PDE4DIP: variants seen among roughly 807,000 people sequenced by gnomAD.
PDE4DIP encodes the protein myomegalin.
PDE4DIP carries 59 observed loss-of-function variants against 221.4 expected under a neutral mutation model. The ratio of observed to expected loss-of-function variants is 0.27; its 90% CI spans 0.22 to 0.33. The LOEUF (loss-of-function observed/expected upper bound fraction) is 0.33, where lower values mean the gene tolerates loss of function less well. PDE4DIP is among the 10% of genes least tolerant of loss of function. The pLI is 1.00. For missense variants in PDE4DIP, 1,036 were observed against 2,154.2 expected, an observed-to-expected ratio of 0.48 and a Z score of 10.28; for synonymous variants, 404 against 815.9, an observed-to-expected ratio of 0.50 and a Z score of 8.60.
At chr1:148,907,133 C>T (rs1573108689) in intron 1 of PDE4DIP, among the ~76,000 whole-genome samples, 2 of 133,984 alleles carry the variant, frequency 1.5e-5, no homozygotes, top group African/African-American at 5.7e-5. Flanking sequence ...ATGTCTTTTT[C>T]CACCCCTTTA....
intron 1 of PDE4DIP, among the ~76,000 whole-genome samples, chr1:148,862,269 T>A (rs1553401885): frequency 6.6e-6 from 1 of 151,152 alleles, no homozygotes; most frequent in African/African-American, 2.4e-5. Flanking sequence ...GTGCAGGGAT[T>A]TTTGTCTGTT....
chr1:149,001,843 G>C, exon 24 of PDE4DIP: 1 of 1,609,426 alleles, frequency 6.2e-7, no homozygotes, highest in Non-Finnish European at 8.5e-7. Context: ...GCAAGGAAGG[G>C]AATAGTAAAC....
chr1:148,971,438 A>C (rs587626242), intron 14 of PDE4DIP, among the ~76,000 whole-genome samples: 1 of 149,416 alleles, frequency 6.7e-6, no homozygotes, highest in East Asian at 1.9e-4. Context: ...GTTTTAAAAA[A>C]AATTTTTTCC....
At chr1:149,032,992 A>G (rs113363913) in exon 44 of PDE4DIP, 13 of 181,250 alleles carry the variant, frequency 7.2e-5, no homozygotes, top group Non-Finnish European at 1.2e-5. Context: ...AAATGTGTAT[A>G]AAGAAATAAA....
chr1:148,838,704 A>G (rs1267964484), intron 1 of PDE4DIP, among the ~76,000 whole-genome samples: 1 of 124,516 alleles, frequency 8.0e-6, no homozygotes, highest in Non-Finnish European at 1.8e-5. Flanking sequence ...TGTGGCTAAA[A>G]GAAACCTCTT....
At chr1:148,919,709 A>C (rs1293193512) in intron 1 of PDE4DIP, among the ~76,000 whole-genome samples, 5 of 151,756 alleles carry the variant, frequency 3.3e-5, no homozygotes, top group African/African-American at 1.2e-4. Flanking sequence ...CCCATTCACT[A>C]ATAGTTACTT....
chr1:149,014,325 C>G lies in PDE4DIP; in HGVS notation c.5266+1549C>G, dbSNP rs587677352. 2.1e-4 allele frequency among the ~76,000 whole-genome samples: 9 copies of G among 42,040 alleles called. 1 individual carries two copies. In the East Asian group the frequency reaches 2.2e-3, roughly 10 times the overall value. The allele number at this position is 42,040 out of a possible 152,430, so 27.6% of individuals were successfully genotyped here. ...CTCAGCTGATCAAACTCTGGGGACTCGTTGCAACAATTTTTTCCCTCTCTT... is the reference window on the plus strand; with the variant it reads ...CTCAGCTGATCAAACTCTGGGGACTGGTTGCAACAATTTTTTCCCTCTCTT... On this transcript the variant is annotated intron_variant, in intron 32 of 43. Transcript: ENST00000369354.
chr1:148,978,902 G>A (rs1465869843), intron 19 of PDE4DIP, among the ~76,000 whole-genome samples: 1 of 151,956 alleles, frequency 6.6e-6, no homozygotes, highest in Non-Finnish European at 1.5e-5. Flanking sequence ...TCTGACATTT[G>A]TAGTTCTGAA....
At position 149,012,804 on chromosome 1, in the gene PDE4DIP, C is replaced by T. The variant is rs377663403; in HGVS notation, c.5266+28C>T. ...GAGCACTTCTGCATTTGTGTGCTTGCGATTGGCAGCCCCACACTGTGTTGC... is the reference window on the plus strand; with the variant it reads ...GAGCACTTCTGCATTTGTGTGCTTGTGATTGGCAGCCCCACACTGTGTTGC... On this transcript the variant is annotated intron_variant, in intron 32 of 43. Coordinates refer to ENST00000369354, the Ensembl canonical transcript of PDE4DIP. 36 of 1,409,860 alleles carry T rather than the reference C, an allele frequency of 2.6e-5. No individual in the cohort carries two copies. Among genetic ancestry groups the T allele is most frequent in the African/African-American group, 4.3e-5 (3 of 70,492 alleles). 87.3% of individuals were successfully genotyped at this position (1,409,860 alleles called of 1,614,324 possible). A position where few individuals can be genotyped will look rare whatever the true frequency, so the allele number is the denominator to read the frequency against.
intron 38 of PDE4DIP, chr1:149,025,906 C>T (rs1699823): frequency 2.0e-5 from 3 of 152,260 alleles, no homozygotes; most frequent in Admixed American, 6.5e-5. Flanking sequence ...GACCACCAGG[C>T]ACTGCTCAGC....
intron 5 of PDE4DIP, among the ~76,000 whole-genome samples, chr1:148,954,119 G>A (rs1319093190): frequency 6.6e-6 from 1 of 152,120 alleles, no homozygotes; most frequent in Non-Finnish European, 1.5e-5. Flanking sequence ...AAAATCTGTT[G>A]ACTTTCCCAT....
At chr1:148,978,577 C>A (rs2060585082) in intron 19 of PDE4DIP, among the ~76,000 whole-genome samples, 162 bp downstream of exon 22, 1 of 151,366 alleles carries the variant, frequency 6.6e-6, no homozygotes, top group Non-Finnish European at 1.5e-5. Context: ...GCTGGAATTA[C>A]ATACAAGCAT....
chr1:149,019,667 T>C (rs1261037510), intron 35 of PDE4DIP: 2 of 152,860 alleles, frequency 1.3e-5, no homozygotes, highest in Non-Finnish European at 2.9e-5. Flanking sequence ...CTCAGGTGAC[T>C]CTTTCCCCAG....
intron 5 of PDE4DIP, chr1:148,953,144 G>A (rs587659343): frequency 1.9e-6 from 3 of 1,614,090 alleles, no homozygotes; most frequent in African/African-American, 1.3e-5. Flanking sequence ...CGTCTTACCC[G>A]ATGCGAGATA....
intron 37 of PDE4DIP, among the ~76,000 whole-genome samples, chr1:149,022,589 AC>A (rs1305775371): frequency 6.6e-6 from 1 of 152,270 alleles, no homozygotes; most frequent in Non-Finnish European, 1.5e-5. Flanking sequence ...TAATTTAAGT[AC>A]ACAGTCATGG....
chr1:148,888,944 CTCTT>C (rs1352870135), upstream of PDE4DIP, among the ~76,000 whole-genome samples: 24 of 121,522 alleles, frequency 2.0e-4, no homozygotes, highest in African/African-American at 7.6e-4. Context: ...AGAAGATTTG[CTCTT>C]TCTTTGCGGG....
rs1277193159 is a variant in PDE4DIP at position 148,948,723 on chromosome 1, G to A, written c.636+10859G>A. 8.6e-5 allele frequency among the ~76,000 whole-genome samples: 13 copies of A among 151,174 alleles called. No homozygotes were observed. In the East Asian group the frequency reaches 9.8e-4, roughly 11 times the overall value. On this transcript the variant is annotated intron_variant, in intron 5 of 43. Coordinates refer to ENST00000369354, the Ensembl canonical transcript of PDE4DIP. ...TACAATCTACAGATCTAAGTGCCCAGTTCAATGAGCTTCAACAATTCTATA... is the reference window on the plus strand; with the variant it reads ...TACAATCTACAGATCTAAGTGCCCAATTCAATGAGCTTCAACAATTCTATA...
intron 1 of PDE4DIP, among the ~76,000 whole-genome samples, chr1:148,820,714 T>TGG (rs782006342): frequency 1.2e-3 from 168 of 139,712 alleles, no homozygotes; most frequent in Admixed American, 1.4e-3. Context: ...ACTTTTTTTT[T>TGG]GGGGGGGGGG....
chr1:148,963,158 A>G (rs1473791159), intron 9 of PDE4DIP, among the ~76,000 whole-genome samples: 1 of 152,178 alleles, frequency 6.6e-6, no homozygotes, highest in Non-Finnish European at 1.5e-5. Flanking sequence ...TCCCTCACGT[A>G]ACTTTTGTTA....
Sources: gnomAD v4.1 joint callset for allele counts (sites outside exome capture counted in the v4.1 genomes callset) on GRCh38, gnomAD v4.1.1 for gene constraint, MANE v1.5 for transcripts, NCBI Gene and HGNC (gene_info 2026-07-23, HGNC 2026-07-21) for gene names.